FMN2: variants seen among roughly 807,000 people sequenced by gnomAD.
FMN2 encodes formin-2.
FMN2 carries 51 observed loss-of-function variants against 142.3 expected under a neutral mutation model. The ratio of observed to expected loss-of-function variants is 0.36; its 90% CI spans 0.29 to 0.45. FMN2 has a LOEUF of 0.45. Among genes scored for constraint, FMN2 ranks in the 20% least tolerant of loss-of-function variants. FMN2 has a pLI of 1.00. For missense variants in FMN2, 1,936 were observed against 2,122.8 expected, an observed-to-expected ratio of 0.91 and a Z score of 1.73; for synonymous variants, 882 against 869.8, an observed-to-expected ratio of 1.01 and a Z score of -0.25.
chr1:240,308,230 A>T (rs150585380), intron 8 of FMN2, among the ~76,000 whole-genome samples: 180 of 152,324 alleles, frequency 1.2e-3, no homozygotes, highest in Non-Finnish European at 2.2e-3. Context: ...GAACAGCTGG[A>T]AGCCCACACA....
chr1:240,442,687 A>G (rs1297851976), intron 16 of FMN2, among the ~76,000 whole-genome samples: 1 of 152,156 alleles, frequency 6.6e-6, no homozygotes, highest in Non-Finnish European at 1.5e-5. Context: ...TTATGCCACT[A>G]TTTCTAATTT....
chr1:240,421,489 A>G (rs1050388792), intron 15 of FMN2, among the ~76,000 whole-genome samples: 29 of 151,996 alleles, frequency 1.9e-4, no homozygotes, highest in Admixed American at 5.2e-4. Flanking sequence ...TCGGATGTCT[A>G]TGTTTATGTT....
At chr1:240,151,755 C>T (rs1427692076) in intron 2 of FMN2, among the ~76,000 whole-genome samples, 2 of 151,772 alleles carry the variant, frequency 1.3e-5, no homozygotes, top group African/African-American at 4.8e-5. Flanking sequence ...GCAGAGGGGC[C>T]AATGGACTTT....
intron 16 of FMN2, among the ~76,000 whole-genome samples, chr1:240,464,363 A>C (rs10926273): frequency 0.02 from 3,025 of 152,188 alleles, 83 homozygotes; most frequent in African/African-American, 0.069. Flanking sequence ...AGATTCAGCC[A>C]CCAGGGAATT....
intron 7 of FMN2, among the ~76,000 whole-genome samples, chr1:240,258,236 TACTA>T (rs564211355): frequency 5.0e-4 from 76 of 152,338 alleles, no homozygotes; most frequent in African/African-American, 1.8e-3. Context: ...TTATATACCT[TACTA>T]ACAGTCTAAT....
intron 16 of FMN2, among the ~76,000 whole-genome samples, chr1:240,448,485 G>A (rs1188780920): frequency 6.6e-6 from 1 of 152,056 alleles, no homozygotes; most frequent in Non-Finnish European, 1.5e-5. Context: ...TAATACATAG[G>A]ACCTTTATTG....
rs566465907 is a variant in FMN2 at position 240,155,835 on chromosome 1, T to C, written c.1783-22086T>C. On this transcript the variant is annotated intron_variant, in intron 2 of 17. Transcript: ENST00000319653. ...AATTTGTTAGTATATAAAAGGACTC[T>C]TTAGCTATATCATTAAAAAAAAAAC... Among the ~76,000 whole-genome samples, 72 of 150,742 alleles carry C rather than the reference T, an allele frequency of 4.8e-4. 1 individual carries two copies. The South Asian group carries it at 0.015, about 31-fold the overall frequency.
chr1:240,210,140 A>C (rs746229859), intron 5 of FMN2, among the ~76,000 whole-genome samples: 14 of 152,166 alleles, frequency 9.2e-5, no homozygotes, highest in Non-Finnish European at 2.1e-4. Flanking sequence ...ACTTTCCACC[A>C]GGTATTCTGG....
intron 2 of FMN2, chr1:240,143,308 G>C (rs368650966): frequency 4.4e-5 from 67 of 1,518,212 alleles, no homozygotes; most frequent in South Asian, 3.2e-4. Context: ...GAGGGCCAGT[G>C]CTAAAGGTAC....
chr1:240,308,634 A>T (rs921344768), intron 8 of FMN2, among the ~76,000 whole-genome samples: 1 of 151,944 alleles, frequency 6.6e-6, no homozygotes. Context: ...ATAGACTGTG[A>T]GAAGCAAGGT....
intron 2 of FMN2, chr1:240,142,578 C>T (rs1336402548): frequency 2.2e-5 from 29 of 1,335,428 alleles, no homozygotes; most frequent in Non-Finnish European, 3.0e-5. Flanking sequence ...CAACAATTCC[C>T]CCGGAAGTCT....
intron 13 of FMN2, among the ~76,000 whole-genome samples, chr1:240,349,278 G>A (rs1286905731): frequency 2.0e-5 from 3 of 152,286 alleles, no homozygotes; most frequent in Non-Finnish European, 2.9e-5. Context: ...CCAGGCTTAC[G>A]TGGGAAACAG....
intron 8 of FMN2, among the ~76,000 whole-genome samples, chr1:240,296,438 C>CTTTTTTTTTTTTTTTTTTTTTTTT (rs772711130): frequency 1.9e-4 from 9 of 46,910 alleles, no homozygotes; most frequent in Admixed American, 3.2e-4. Flanking sequence ...TCTTTGAGTG[C>CTTTTTTTTTTTTTTTTTTTTTTTT]TTTTTTTTTT....
intron 14 of FMN2, among the ~76,000 whole-genome samples, chr1:240,375,010 G>A (rs1157885993): frequency 1.3e-5 from 2 of 152,138 alleles, no homozygotes; most frequent in Non-Finnish European, 2.9e-5. Context: ...CAACATTGTA[G>A]GGTTATTAAT....
chr1:240,121,016 C>G (rs1309238997), intron 1 of FMN2, among the ~76,000 whole-genome samples: 1 of 152,148 alleles, frequency 6.6e-6, no homozygotes, highest in African/African-American at 2.4e-5. Context: ...AAAAAATTAG[C>G]TGGACATAGT....
rs183445463 is a variant in FMN2 at position 240,286,384 on chromosome 1, G to C, written c.4154-8438G>C. On this transcript the variant is annotated intron_variant, in intron 7 of 17. Transcript: ENST00000319653. ...AAGTTGGGAAGGACTTTTTCAGAAT[G>C]AGCATGTAACTGACTGACTGGCAGC... Among the ~76,000 whole-genome samples, 56 of 152,290 alleles carry C rather than the reference G, an allele frequency of 3.7e-4. 1 individual carries two copies. The highest frequency in any genetic ancestry group is 1.2e-3 in the Admixed American group (19 of 15,292).
At chr1:240,292,158 A>T (rs1669815477) in intron 7 of FMN2, among the ~76,000 whole-genome samples, 1 of 152,168 alleles carries the variant, frequency 6.6e-6, no homozygotes, top group Non-Finnish European at 1.5e-5. Context: ...CCTTTGGAGG[A>T]ACTGTCACCT....
At chr1:240,401,444 G>C (rs910036969) in intron 15 of FMN2, among the ~76,000 whole-genome samples, 1 of 152,208 alleles carries the variant, frequency 6.6e-6, no homozygotes, top group East Asian at 1.9e-4. Context: ...AAATACACGG[G>C]GAAGTTTCAT....
At chr1:240,417,746 C>T (rs1227190072) in intron 15 of FMN2, among the ~76,000 whole-genome samples, 1 of 152,080 alleles carries the variant, frequency 6.6e-6, no homozygotes, top group Non-Finnish European at 1.5e-5. Flanking sequence ...TTTTAAAATC[C>T]ATGACCTGCT....
Sources: allele counts gnomAD v4.1 joint callset (sites outside exome capture counted in the v4.1 genomes callset), GRCh38; gene constraint gnomAD v4.1.1; transcripts MANE v1.5; gene names NCBI Gene and HGNC (gene_info 2026-07-23, HGNC 2026-07-21).